The following STXBP5 variants were observed in gnomAD, a reference collection of about 807,000 sequenced individuals.
STXBP5 encodes syntaxin-binding protein 5.
A neutral mutation model predicts 152.4 loss-of-function variants in STXBP5; 50 were observed. That is an observed-to-expected ratio of 0.33 (90% CI 0.26 to 0.42). The LOEUF (loss-of-function observed/expected upper bound fraction) is 0.42. Ranked by LOEUF, STXBP5 falls within the 10% of genes least tolerant of loss-of-function variation. STXBP5 has a pLI of 1.00. For synonymous variants in STXBP5, 492 were observed against 494.7 expected (o/e 0.99, Z 0.07); for missense variants, 1,167 against 1,388.6 (o/e 0.84, Z 2.54).
At chr6:147,314,202 C>CAG in intron 12 of STXBP5, 62 bp from the exon 13 acceptor site, 1 of 1,427,218 alleles carries the variant, frequency 7.0e-7, no homozygotes, top group South Asian at 1.1e-5. Flanking sequence ...CACACACACA[C>CAG]ACACACACGG....
intron 21 of STXBP5, among the ~76,000 whole-genome samples, chr6:147,350,013 C>T (rs190908404): frequency 1.4e-3 from 216 of 152,120 alleles, no homozygotes; most frequent in African/African-American, 4.6e-3. Flanking sequence ...GTCCAGGTTG[C>T]GGATATCCAC....
intron 2 of STXBP5, among the ~76,000 whole-genome samples, chr6:147,215,410 C>G (rs1287336794): frequency 6.6e-6 from 1 of 152,164 alleles, no homozygotes. Flanking sequence ...GAGACAAGGT[C>G]TGGCTCTGTC....
chr6:147,248,451 T>G (rs1053208171), intron 4 of STXBP5, among the ~76,000 whole-genome samples: 30 of 151,478 alleles, frequency 2.0e-4, no homozygotes, highest in African/African-American at 6.6e-4. Flanking sequence ...AATAATTGAG[T>G]TTTTTTTTAA....
At chr6:147,380,175 C>T (rs1786010267) in intron 26 of STXBP5, among the ~76,000 whole-genome samples, 1 of 36,380 alleles carries the variant, frequency 2.7e-5, no homozygotes, top group African/African-American at 7.7e-5. Flanking sequence ...TAGCCACGTA[C>T]ACACACACAC....
intron 4 of STXBP5, among the ~76,000 whole-genome samples, chr6:147,249,177 C>T (rs1480306827): frequency 2.0e-5 from 3 of 152,202 alleles, no homozygotes; most frequent in South Asian, 4.1e-4. Context: ...TAAGTGACTG[C>T]ACCTCTAACC....
intron 16 of STXBP5, among the ~76,000 whole-genome samples, chr6:147,320,552 AGT>A (rs71552971): frequency 0.056 from 4,714 of 84,850 alleles, 98 homozygotes; most frequent in Non-Finnish European, 0.062. Context: ...TGCTAATTTG[AGT>A]GTGTGTGTGT....
At chr6:147,311,614 TTG>T (rs1782380727) in intron 11 of STXBP5, 87 bp downstream of exon 11, 5 of 995,990 alleles carry the variant, frequency 5.0e-6, no homozygotes, top group Non-Finnish European at 7.5e-6. Context: ...TTTCATTTCT[TTG>T]AAAACTCTAC....
intron 3 of STXBP5, among the ~76,000 whole-genome samples, chr6:147,237,688 C>T (rs1284536827): frequency 1.3e-5 from 2 of 152,176 alleles, no homozygotes; most frequent in East Asian, 1.9e-4. Context: ...AGAAGTTACA[C>T]ACTAGGGTAG....
rs570109411 is a variant in STXBP5 at position 147,315,744 on chromosome 6, G to A, written c.1623+9G>A. ...TCACAGAAGTCATTCCGGTAATAAC[G>A]TCTTAGTTATTTTCATGGTCAAGTT... On this transcript the variant is annotated intron_variant, in intron 15 of 27. Coordinates refer to ENST00000321680, the MANE Select transcript of STXBP5 (RefSeq NM_001127715.4). The A allele has an allele frequency of 2.1e-5, 33 of 1,594,916 alleles. No homozygotes were observed. The highest frequency in any genetic ancestry group is 1.6e-4 in the African/African-American group (12 of 74,600).
intron 21 of STXBP5, among the ~76,000 whole-genome samples, chr6:147,351,342 T>C (rs1784580342): frequency 6.6e-6 from 1 of 152,226 alleles, no homozygotes; most frequent in African/African-American, 2.4e-5. Flanking sequence ...GCGGCATCCA[T>C]ATCATATGAT....
chr6:147,288,420 A>G (rs77458549), intron 8 of STXBP5, among the ~76,000 whole-genome samples: 6,119 of 152,272 alleles, frequency 0.04, 313 homozygotes, highest in East Asian at 0.15. Flanking sequence ...GGGGATAGAA[A>G]TAGACCTTCC....
At chr6:147,285,076 G>A (rs1404138962) in intron 8 of STXBP5, among the ~76,000 whole-genome samples, 2 of 152,136 alleles carry the variant, frequency 1.3e-5, no homozygotes, top group African/African-American at 4.8e-5. Flanking sequence ...ATTATTTGAG[G>A]CTTGGTGGTT....
chr6:147,296,959 G>A (rs1220986512), intron 9 of STXBP5, among the ~76,000 whole-genome samples: 1 of 152,074 alleles, frequency 6.6e-6, no homozygotes, highest in African/African-American at 2.4e-5. Flanking sequence ...GCAAACCTAT[G>A]GAACTTAAGA....
chr6:147,251,844 C>T (rs998254733), intron 4 of STXBP5, among the ~76,000 whole-genome samples: 7 of 152,168 alleles, frequency 4.6e-5, no homozygotes, highest in South Asian at 2.1e-4. Context: ...AGGAGAGCTT[C>T]GGCTGGTGGG....
Position 147,206,029 on chromosome 6 carries a change from A to C in STXBP5, c.209A>C (p.Lys70Thr). 1 of 1,614,154 alleles carries C rather than the reference A, an allele frequency of 6.2e-7. No homozygotes were observed. The highest frequency in any genetic ancestry group is 8.5e-7 in the Non-Finnish European group (1 of 1,180,000). ...GCCCTGGCCTTTGATCCTGTACAGAAGATCCTGGCAGTGGGAACTCAGACT... is the reference window on the plus strand; with the variant it reads ...GCCCTGGCCTTTGATCCTGTACAGACGATCCTGGCAGTGGGAACTCAGACT... The part of the protein sequence containing the change: ...PSALAFDPVQ[K>T]ILAVGTQTGA... The change falls in exon 2 of 28, where the codon AAG becomes ACG. Residue 70 changes from lysine (K) to threonine (T), a missense_variant. Around this residue, in one of 3 missense-constraint regions of STXBP5, gnomAD observed 310 missense variants for 346.1 expected, o/e 0.90. Coordinates refer to ENST00000321680, the MANE Select transcript of STXBP5 (RefSeq NM_001127715.4).
chr6:147,333,422 G>A (rs1157029956), intron 18 of STXBP5, among the ~76,000 whole-genome samples: 1 of 152,136 alleles, frequency 6.6e-6, no homozygotes, highest in Non-Finnish European at 1.5e-5. Context: ...TACTTGGGAG[G>A]CCGAGGCAGG....
chr6:147,341,151 G>C (rs1784073266), intron 21 of STXBP5, among the ~76,000 whole-genome samples: 1 of 152,052 alleles, frequency 6.6e-6, no homozygotes, highest in African/African-American at 2.4e-5. Flanking sequence ...CTTTCAAAGG[G>C]AGACTGCCCC....
In STXBP5 at chr6:147,359,067, A is replaced by G. The variant is rs760045805; in HGVS notation, c.2306-17A>G. 8 of 1,605,740 alleles carry G rather than the reference A, an allele frequency of 5.0e-6. No individual in the cohort carries two copies. On this transcript the variant is annotated splice_polypyrimidine_tract_variant and intron_variant, in intron 22 of 27. Transcript: ENST00000321680. The stretch of plus-strand genomic sequence containing the variant: ...TTTATAACTTGAGCAATCTCACAAC[A>G]TTTTTAACCATTTCAGATGTAAAGG...
chr6:147,314,578 T>C lies in STXBP5; in HGVS notation c.1362-18T>C, dbSNP rs765132606. On this transcript the variant is annotated intron_variant, in intron 13 of 27. Transcript: ENST00000321680. The stretch of plus-strand genomic sequence containing the variant: ...ACTGTAATTTTATTCATCACATTCT[T>C]AACATTGCTTTTCTTAGGCATGCTG... 7 of 1,607,438 alleles carry C rather than the reference T, an allele frequency of 4.4e-6. No individual in the cohort carries two copies.
Sources: allele counts gnomAD v4.1 joint callset (sites outside exome capture counted in the v4.1 genomes callset), GRCh38; gene constraint gnomAD v4.1.1; regional missense constraint gnomAD v4.1.1; transcripts MANE v1.5; gene names NCBI Gene and HGNC (gene_info 2026-07-23, HGNC 2026-07-21).